The following CNTNAP2 variants were observed in gnomAD, a reference collection of about 807,000 sequenced individuals.
The protein encoded by CNTNAP2 is contactin associated protein 2.
In CNTNAP2, 98 loss-of-function variants were observed where a neutral mutation model predicts 155.2. The observed-to-expected ratio is 0.63, with a 90% CI of 0.54 to 0.75. CNTNAP2 has a LOEUF of 0.75. Ranked by LOEUF, CNTNAP2 falls within the 30% of genes least tolerant of loss-of-function variation. The pLI, the probability that CNTNAP2 is intolerant of heterozygous loss-of-function variation, is 0.00. For missense variants in CNTNAP2, 1,727 were observed against 1,688.1 expected, an observed-to-expected ratio of 1.02 and a Z score of -0.40; for synonymous variants, 651 against 631.2, an observed-to-expected ratio of 1.03 and a Z score of -0.47.
chr7:146,600,969 A>T (rs1298926593), intron 1 of CNTNAP2, among the ~76,000 whole-genome samples: 2 of 152,154 alleles, frequency 1.3e-5, no homozygotes, highest in African/African-American at 4.8e-5. Flanking sequence ...CCCTCTTGGG[A>T]TGCTGTAATG....
intron 1 of CNTNAP2, among the ~76,000 whole-genome samples, chr7:146,355,975 A>G (rs1794991522): frequency 6.6e-6 from 1 of 152,078 alleles, no homozygotes; most frequent in Non-Finnish European, 1.5e-5. Flanking sequence ...ACTTAACCAA[A>G]TATATCAAGC....
At chr7:146,497,874 C>A (rs988952384) in intron 1 of CNTNAP2, among the ~76,000 whole-genome samples, 2 of 146,246 alleles carry the variant, frequency 1.4e-5, no homozygotes, top group Admixed American at 1.4e-4. Context: ...TATATATAAA[C>A]ACATATATAC....
At chr7:148,400,045 C>T (rs1165599503) in intron 22 of CNTNAP2, among the ~76,000 whole-genome samples, 4 of 152,170 alleles carry the variant, frequency 2.6e-5, no homozygotes, top group Non-Finnish European at 5.9e-5. Flanking sequence ...TTTACCAAAG[C>T]TCAGGGCATC....
chr7:146,233,672 G>A (rs562471599), intron 1 of CNTNAP2, among the ~76,000 whole-genome samples: 3 of 151,738 alleles, frequency 2.0e-5, no homozygotes, highest in Admixed American at 6.6e-5. Context: ...GTGTCCATGT[G>A]TTCTCATTGT....
In CNTNAP2 at chr7:147,223,808, G is replaced by A. The variant is rs2116600328; in HGVS notation, c.1349-76333G>A. 1.3e-5 allele frequency among the ~76,000 whole-genome samples: 2 copies of A among 151,934 alleles called. 1 individual carries two copies. The highest frequency in any genetic ancestry group is 4.2e-4 in the South Asian group (2 of 4,808). The stretch of plus-strand genomic sequence containing the variant: ...ATATAAAAATTAGCTGGGTGTGGTG[G>A]CACACACCTGTAGTCCTAGCTACTT... On this transcript the variant is annotated intron_variant, in intron 8 of 23. Coordinates refer to ENST00000361727, the MANE Select transcript of CNTNAP2 (RefSeq NM_014141.6).
At chr7:146,840,004 A>G (rs537195211) in intron 3 of CNTNAP2, 100 bp downstream of exon 3, 146 of 1,327,952 alleles carry the variant, frequency 1.1e-4, no homozygotes, top group Non-Finnish European at 1.2e-4. Flanking sequence ...ATATTTATGT[A>G]TTCAAATCAT....
intron 15 of CNTNAP2, among the ~76,000 whole-genome samples, chr7:148,095,316 G>A (rs764022047): frequency 2.0e-5 from 3 of 152,200 alleles, no homozygotes; most frequent in Non-Finnish European, 2.9e-5. Flanking sequence ...AGTCAGGAGC[G>A]AGGATTCCTT....
chr7:148,208,574 G>A (rs1795492763), intron 18 of CNTNAP2, among the ~76,000 whole-genome samples: 1 of 152,190 alleles, frequency 6.6e-6, no homozygotes, highest in African/African-American at 2.4e-5. Flanking sequence ...AGTTTCCAAA[G>A]GCTCCAAGAG....
At chr7:146,845,747 G>T (rs562544078) in intron 3 of CNTNAP2, among the ~76,000 whole-genome samples, 1 of 152,118 alleles carries the variant, frequency 6.6e-6, no homozygotes. Flanking sequence ...CATAATTTTC[G>T]ATTAACACAT....
At chr7:147,814,311 C>G (rs1798231516) in intron 13 of CNTNAP2, among the ~76,000 whole-genome samples, 1 of 152,156 alleles carries the variant, frequency 6.6e-6, no homozygotes, top group South Asian at 2.1e-4. Context: ...GCTTTTGTTA[C>G]ATGATTTTCA....
At chr7:147,945,783 A>T (rs984612309) in intron 14 of CNTNAP2, among the ~76,000 whole-genome samples, 2 of 151,324 alleles carry the variant, frequency 1.3e-5, no homozygotes, top group African/African-American at 2.4e-5. Context: ...GACTTCTTTC[A>T]CCTAGGTGCC....
rs577526039 is a variant in CNTNAP2 at position 146,832,670 on chromosome 7, C to T, written c.209-7041C>T. ...ACACTGTATAATTTATAAATATGTA[C>T]GTGTGTGTGTATATATATATATGTC... On this transcript the variant is annotated intron_variant, in intron 2 of 23. Coordinates refer to ENST00000361727, the MANE Select transcript of CNTNAP2 (RefSeq NM_014141.6). 2.6e-4 allele frequency among the ~76,000 whole-genome samples: 38 copies of T among 148,098 alleles called. 1 individual carries two copies. In the Middle Eastern group the frequency reaches 0.011, roughly 43 times the overall value.
rs567746869 is a variant in CNTNAP2 at position 147,256,788 on chromosome 7, G to T, written c.1349-43353G>T. On this transcript the variant is annotated intron_variant, in intron 8 of 23. Coordinates refer to ENST00000361727, the MANE Select transcript of CNTNAP2 (RefSeq NM_014141.6). ...ACAGTTAATGGACGCATTGAACTTG[G>T]TGTCATCTGCGTAATTCAAAGAAAA... 7.2e-5 allele frequency among the ~76,000 whole-genome samples: 11 copies of T among 152,176 alleles called. No homozygotes were observed. The South Asian group carries it at 2.3e-3, about 32-fold the overall frequency.
intron 8 of CNTNAP2, among the ~76,000 whole-genome samples, chr7:147,227,324 T>C (rs1323105554): frequency 6.6e-6 from 1 of 151,228 alleles, no homozygotes; most frequent in East Asian, 1.9e-4. Flanking sequence ...TCTTGTAAGC[T>C]ACTGAAAAAA....
At chr7:148,119,585 T>A (rs983325321) in intron 16 of CNTNAP2, among the ~76,000 whole-genome samples, 1 of 152,130 alleles carries the variant, frequency 6.6e-6, no homozygotes, top group Non-Finnish European at 1.5e-5. Flanking sequence ...AATGAGTGCT[T>A]ATGTTCCTGG....
At chr7:147,610,751 T>G (rs989586219) in intron 12 of CNTNAP2, among the ~76,000 whole-genome samples, 5 of 152,206 alleles carry the variant, frequency 3.3e-5, no homozygotes, top group Admixed American at 2.0e-4. Context: ...TTGGTTGGTT[T>G]GTTTTGAGAT....
intron 13 of CNTNAP2, chr7:147,897,219 T>G (rs1449487099): frequency 6.6e-6 from 1 of 152,210 alleles, no homozygotes; most frequent in Admixed American, 6.5e-5. Context: ...CACACAGCTC[T>G]CTGATTCATG....
At chr7:146,142,817 G>A (rs1797899493) in intron 1 of CNTNAP2, among the ~76,000 whole-genome samples, 1 of 152,158 alleles carries the variant, frequency 6.6e-6, no homozygotes, top group Non-Finnish European at 1.5e-5. Flanking sequence ...AGGAAGGAAA[G>A]TGTTTACATT....
intron 8 of CNTNAP2, among the ~76,000 whole-genome samples, chr7:147,141,586 C>A (rs909410202): frequency 6.6e-6 from 1 of 152,094 alleles, no homozygotes; most frequent in African/African-American, 2.4e-5. Context: ...GAGTAACTCA[C>A]CAGGGCCCCT....
Sources: allele counts gnomAD v4.1 joint callset (sites outside exome capture counted in the v4.1 genomes callset), GRCh38; gene constraint gnomAD v4.1.1; transcripts MANE v1.5; gene names NCBI Gene and HGNC (gene_info 2026-07-23, HGNC 2026-07-21).